GALNT13: variants seen among roughly 807,000 people sequenced by gnomAD.
The protein encoded by GALNT13 is UDP-GalNAc:polypeptide N-acetylgalactosaminyltransferase 13.
Under a neutral mutation model 64.2 loss-of-function variants are expected in GALNT13, and 28 were observed. That is an observed-to-expected ratio of 0.44 (90% confidence interval 0.32 to 0.60). The LOEUF is 0.60. Ranked by LOEUF, GALNT13 falls within the 20% of genes least tolerant of loss-of-function variation. The pLI, the probability that GALNT13 is intolerant of heterozygous loss-of-function variation, is 0.05. For synonymous variants in GALNT13, 214 were observed against 224.6 expected, an observed-to-expected ratio of 0.95 and a Z score of 0.42; for missense variants, 577 against 669.8, an observed-to-expected ratio of 0.86 and a Z score of 1.53.
the GALNT13 span, among the ~76,000 whole-genome samples, chr2:153,158,325 T>C: frequency 2.0e-5 from 3 of 152,180 alleles, no homozygotes; most frequent in South Asian, 4.1e-4. Context: ...TGAAGTAATA[T>C]CAGTTTTAAT....
the GALNT13 span, among the ~76,000 whole-genome samples, chr2:153,605,361 C>T: frequency 6.6e-6 from 1 of 152,166 alleles, no homozygotes; most frequent in Non-Finnish European, 1.5e-5. Flanking sequence ...TTATCCAAGA[C>T]CATCATACCT....
At chr2:153,658,515 A>G in the GALNT13 span, among the ~76,000 whole-genome samples, 1,406 of 152,196 alleles carry the variant, frequency 9.2e-3, 22 homozygotes, top group African/African-American at 0.032. Flanking sequence ...ATTAATTTAT[A>G]TTTCTGATTA....
At chr2:153,157,975 TA>T in the GALNT13 span, among the ~76,000 whole-genome samples, 2 of 152,080 alleles carry the variant, frequency 1.3e-5, no homozygotes, top group Non-Finnish European at 1.5e-5. Flanking sequence ...AGAAAGTTCA[TA>T]AAATAGTTAA....
the GALNT13 span, among the ~76,000 whole-genome samples, chr2:153,670,316 TGGTTGCCTCTCTG>T: frequency 3.9e-5 from 6 of 152,160 alleles, no homozygotes; most frequent in African/African-American, 1.4e-4. Context: ...TTCATACAGG[TGGTTGCCTCTCTG>T]GGACGAAGAT....
At chr2:153,117,244 C>T in the GALNT13 span, among the ~76,000 whole-genome samples, 13 of 152,074 alleles carry the variant, frequency 8.5e-5, no homozygotes, top group African/African-American at 1.2e-4. Context: ...TGTTGGGATA[C>T]GTACTTATAA....
the GALNT13 span, among the ~76,000 whole-genome samples, chr2:153,585,715 C>T: frequency 2.6e-5 from 4 of 151,968 alleles, no homozygotes; most frequent in Non-Finnish European, 5.9e-5. Flanking sequence ...GAAACTCCTT[C>T]ATACTACCAG....
the GALNT13 span, among the ~76,000 whole-genome samples, chr2:153,303,331 G>T: frequency 2.0e-5 from 3 of 151,970 alleles, no homozygotes; most frequent in Admixed American, 1.3e-4. Flanking sequence ...CTGTTCCCCT[G>T]ATTTCTTTTT....
At chr2:153,477,982 GT>G in the GALNT13 span, 2 of 526,024 alleles carry the variant, frequency 3.8e-6, no homozygotes, top group South Asian at 5.4e-5. Context: ...AGCTTCCAAA[GT>G]TCTGCGCCCT....
intron 3 of GALNT13, among the ~76,000 whole-genome samples, chr2:154,126,147 A>C (rs776728967): frequency 6.6e-6 from 1 of 152,132 alleles, no homozygotes; most frequent in Non-Finnish European, 1.5e-5. Flanking sequence ...CTCTTTCATC[A>C]ATCTACTTTT....
chr2:153,511,732 G>C, the GALNT13 span, among the ~76,000 whole-genome samples: 1 of 152,190 alleles, frequency 6.6e-6, no homozygotes, highest in African/African-American at 2.4e-5. Context: ...TGCCAAGTGA[G>C]TACTATAAAC....
the GALNT13 span, among the ~76,000 whole-genome samples, chr2:153,848,314 G>A: frequency 1.3e-5 from 2 of 152,092 alleles, no homozygotes; most frequent in South Asian, 2.1e-4. Context: ...ACAGGAACAG[G>A]GAATTGAGCA....
intron 2 of GALNT13, among the ~76,000 whole-genome samples, chr2:153,939,916 A>G (rs892801414): frequency 1.3e-5 from 2 of 152,168 alleles, no homozygotes; most frequent in South Asian, 2.1e-4. Context: ...AAGTTGCACA[A>G]TTAGTGAGTG....
At chr2:153,150,139 TGAAAG>T in the GALNT13 span, among the ~76,000 whole-genome samples, 25 of 152,050 alleles carry the variant, frequency 1.6e-4, no homozygotes, top group Non-Finnish European at 3.2e-4. Context: ...TCAAATAACT[TGAAAG>T]GAAAGTCCTG....
At chr2:153,871,893 T>C (rs1009432200), upstream of GALNT13, 3 of 5,100 alleles carry the variant, frequency 5.9e-4, no homozygotes, top group Admixed American at 7.9e-3. Flanking sequence ...CGGGCTGGGG[T>C]GGGAGGGGGG....
chr2:154,001,869 C>G (rs1695932646), intron 3 of GALNT13, among the ~76,000 whole-genome samples: 1 of 151,932 alleles, frequency 6.6e-6, no homozygotes, highest in African/African-American at 2.4e-5. Context: ...ATTTCCTTAG[C>G]TTTTGTTTTT....
chr2:154,116,759 A>G (rs892218685), intron 3 of GALNT13, among the ~76,000 whole-genome samples: 7 of 152,160 alleles, frequency 4.6e-5, no homozygotes, highest in African/African-American at 1.7e-4. Flanking sequence ...GTTTAATCAT[A>G]TTAAGCAGTC....
At chr2:153,823,968 A>G in the GALNT13 span, among the ~76,000 whole-genome samples, 1 of 152,232 alleles carries the variant, frequency 6.6e-6, no homozygotes, top group Non-Finnish European at 1.5e-5. Flanking sequence ...ATATAAAAAG[A>G]TACTTCTCAA....
intron 4 of GALNT13, among the ~76,000 whole-genome samples, chr2:154,146,166 G>T (rs565908243): frequency 6.7e-6 from 1 of 149,478 alleles, no homozygotes; most frequent in Non-Finnish European, 1.5e-5. Context: ...ACACACACAC[G>T]CATACACATA....
In GALNT13 at chr2:154,155,259, T is replaced by A. The variant is rs1026887806; in HGVS notation, c.311+14754T>A. ...ATTATTAAAATAATTGTGCAAAATA[T>A]AATTTTTAAAAACAGCCATTTGAAA... On this transcript the variant is annotated intron_variant, in intron 4 of 12. Coordinates refer to ENST00000392825, the MANE Select transcript of GALNT13 (RefSeq NM_052917.4). 3.3e-5 allele frequency among the ~76,000 whole-genome samples: 5 copies of A among 152,100 alleles called. No homozygotes were observed. In the South Asian group the frequency reaches 1.0e-3, roughly 31 times the overall value.
Sources: gnomAD v4.1 joint callset for allele counts (sites outside exome capture counted in the v4.1 genomes callset) on GRCh38, gnomAD v4.1.1 for gene constraint, MANE v1.5 for transcripts, NCBI Gene and HGNC (gene_info 2026-07-23, HGNC 2026-07-21) for gene names.